SFTPD: variants seen among roughly 807,000 people sequenced by gnomAD.
The protein encoded by SFTPD is surfactant protein D, also known as pulmonary surfactant-associated protein D.
Under a neutral mutation model 34.6 loss-of-function variants are expected in SFTPD, and 18 were observed. The ratio of observed to expected loss-of-function variants is 0.52; its 90% CI spans 0.36 to 0.77. The LOEUF is 0.77. Among genes scored for constraint, SFTPD ranks in the 30% least tolerant of loss-of-function variants. The probability of loss-of-function intolerance (pLI) is 0.00; values close to 1 mark genes in which losing one functional copy is unlikely to be tolerated. For missense variants in SFTPD, 433 were observed against 468.9 expected (o/e 0.92, Z 0.71); for synonymous variants, 155 against 180.9 (o/e 0.86, Z 1.15).
chr10:79,937,816 C>T lies in SFTPD; in HGVS notation c.*36G>A. ...CTAAGCCTTGACTTCTGGCCAAACT[C>T]CTGGGCCAAGCACTGCCCCACCCAC... On this transcript the variant is annotated 3_prime_UTR_variant, in exon 8 of 8. Coordinates refer to ENST00000372292, the MANE Select transcript of SFTPD (RefSeq NM_003019.5). 1 of 1,512,402 alleles carries T rather than the reference C, an allele frequency of 6.6e-7. No homozygotes were observed. Among genetic ancestry groups the T allele is most frequent in the South Asian group, 1.3e-5 (1 of 75,202 alleles). The allele number at this position is 1,512,402 out of a possible 1,614,324, so 93.7% of individuals were successfully genotyped here. A position where few individuals can be genotyped will look rare whatever the true frequency, so the allele number is the denominator to read the frequency against.
At chr10:79,959,989 A>G (rs904987095) in intron 1 of SFTPD, among the ~76,000 whole-genome samples, 1 of 152,148 alleles carries the variant, frequency 6.6e-6, no homozygotes, top group Non-Finnish European at 1.5e-5. Context: ...GGCTGGTTCA[A>G]CATACACAAA....
intron 2 of SFTPD, among the ~76,000 whole-genome samples, chr10:79,943,770 A>G (rs1004624855): frequency 6.6e-6 from 1 of 152,200 alleles, no homozygotes; most frequent in African/African-American, 2.4e-5. Context: ...AGTCCTTATT[A>G]GGGATGAAAT....
rs754224078 is a variant in SFTPD at position 79,946,481 on chromosome 10, CG to C, written c.178del (p.Arg60GlyfsTer70). On this transcript the variant is annotated frameshift_variant, in exon 2 of 8. Transcript: ENST00000372292. LOFTEE classifies it high-confidence loss of function. The stretch of plus-strand genomic sequence containing the variant: ...CCTACCTGGGTCCCCCTTCTCGCCC[CG>C]AGGGCCCTCTCTCCCATCCCGTCCA... ...RDGRDGREGP[R>X]GEKGDPGLPG... The C allele has an allele frequency of 6.2e-7, 1 of 1,613,988 alleles. No individual in the cohort carries two copies. Among genetic ancestry groups the C allele is most frequent in the South Asian group, 1.1e-5 (1 of 91,086 alleles).
intron 1 of SFTPD, among the ~76,000 whole-genome samples, chr10:79,954,898 G>C (rs1240985436): frequency 3.3e-5 from 5 of 152,124 alleles, no homozygotes; most frequent in African/African-American, 1.2e-4. Flanking sequence ...CTGGCTCCTT[G>C]CTTCTAGCAC....
intron 5 of SFTPD, 102 bp from the exon 6 acceptor site, chr10:79,941,616 A>G: frequency 1.2e-6 from 1 of 852,638 alleles, no homozygotes; most frequent in Non-Finnish European, 1.8e-6. Context: ...CTTATTGCCC[A>G]GAAATAGACA....
intron 1 of SFTPD, among the ~76,000 whole-genome samples, chr10:79,958,172 A>G (rs1309541057): frequency 6.6e-6 from 1 of 152,226 alleles, no homozygotes; most frequent in Non-Finnish European, 1.5e-5. Context: ...GAAAGGAACA[A>G]CTGGTACCAG....
At chr10:79,970,452 A>AT (rs1842829136) in intron 1 of SFTPD, 1 of 152,096 alleles carries the variant, frequency 6.6e-6, no homozygotes, top group South Asian at 2.1e-4. Flanking sequence ...TCTGTAGATC[A>AT]TTTTTGGTAG....
chr10:79,964,096 C>T (rs1842790015), intron 1 of SFTPD, among the ~76,000 whole-genome samples: 2 of 152,130 alleles, frequency 1.3e-5, no homozygotes, highest in Non-Finnish European at 2.9e-5. Context: ...CTGCCCCCCT[C>T]CACTACCTCT....
chr10:79,977,827 C>CTCTT (rs5786433), intron 1 of SFTPD, among the ~76,000 whole-genome samples: 1 of 151,694 alleles, frequency 6.6e-6, no homozygotes, highest in African/African-American at 2.4e-5. Context: ...CTTTCTTCCT[C>CTCTT]TCTTTCTTTC....
At chr10:79,940,587 C>T (rs1378838576) in intron 7 of SFTPD, 118 bp downstream of exon 7, 4 of 668,666 alleles carry the variant, frequency 6.0e-6, no homozygotes, top group East Asian at 2.5e-5. Flanking sequence ...AGACCCAGGG[C>T]AGGCTCTGCC....
intron 1 of SFTPD, among the ~76,000 whole-genome samples, chr10:79,966,440 T>C (rs1001926255): frequency 1.1e-5 from 1 of 91,116 alleles, no homozygotes; most frequent in Non-Finnish European, 2.0e-5. Context: ...GTTTGTTTTT[T>C]TCTTGTAAAT....
chr10:79,956,725 C>A (rs1842741982), intron 1 of SFTPD, among the ~76,000 whole-genome samples: 2 of 152,148 alleles, frequency 1.3e-5, no homozygotes, highest in Non-Finnish European at 2.9e-5. Context: ...CCTCTGGGGG[C>A]AGGGCACAGA....
rs141915042 is a variant in SFTPD, at chr10:79,981,305, A to G, written c.36+1270T>C. Among the ~76,000 whole-genome samples the G allele has an allele frequency of 7.8e-3, 1,184 of 152,302 alleles. 5 individuals are homozygous for G. Among genetic ancestry groups the G allele is most frequent in the Non-Finnish European group, 0.012 (818 of 68,028 alleles). ...GGGGAGTCAAAAGAAAAAAGAAAAT[A>G]ATGAAATTTATAAAATAGCTTCAAA... On this transcript the variant is annotated intron_variant, in intron 1 of 5. Transcript: ENST00000444384.
At chr10:79,980,142 G>C (rs1364189752) in intron 1 of SFTPD, among the ~76,000 whole-genome samples, 1 of 152,186 alleles carries the variant, frequency 6.6e-6, no homozygotes, top group Non-Finnish European at 1.5e-5. Flanking sequence ...AAGTACCATG[G>C]ATTTTGGATG....
chr10:79,976,498 G>A (rs1842864959), intron 1 of SFTPD, among the ~76,000 whole-genome samples: 1 of 152,176 alleles, frequency 6.6e-6, no homozygotes, highest in Admixed American at 6.5e-5. Flanking sequence ...AGGAAGTCTG[G>A]TGCCAGAAGA....
chr10:79,947,937 A>G (rs930264694), intron 1 of SFTPD, among the ~76,000 whole-genome samples: 2 of 152,248 alleles, frequency 1.3e-5, no homozygotes, highest in Non-Finnish European at 2.9e-5. Flanking sequence ...CGCAGAGGCT[A>G]GGAACAAAGC....
chr10:79,944,432 G>A (rs900832864), intron 2 of SFTPD, among the ~76,000 whole-genome samples: 3 of 152,142 alleles, frequency 2.0e-5, no homozygotes, highest in East Asian at 3.9e-4. Flanking sequence ...AAGGTGATCC[G>A]GGAGTAAAGT....
chr10:79,942,228 A>C lies in SFTPD; in HGVS notation c.434-158T>G, dbSNP rs543536703. ...GGGCTCCTCTGTGGAGGGTGAGAGGAAAATATTGCAGTTGTGGGGATTGGG... is the reference window on the plus strand; with the variant it reads ...GGGCTCCTCTGTGGAGGGTGAGAGGCAAATATTGCAGTTGTGGGGATTGGG... On this transcript the variant is annotated intron_variant, in intron 4 of 7. Coordinates refer to ENST00000372292, the MANE Select transcript of SFTPD (RefSeq NM_003019.5). Among the ~76,000 whole-genome samples the C allele has an allele frequency of 4.9e-4, 75 of 152,246 alleles. 1 individual carries two copies. The highest frequency in any genetic ancestry group is 1.7e-3 in the African/African-American group (72 of 41,542).
At chr10:79,944,876 T>G (rs1842650357) in intron 2 of SFTPD, among the ~76,000 whole-genome samples, 1 of 152,004 alleles carries the variant, frequency 6.6e-6, no homozygotes, top group Non-Finnish European at 1.5e-5. Flanking sequence ...CCAATTTTCC[T>G]CGTAGCAGAT....
Sources: gnomAD v4.1 joint callset for allele counts (sites outside exome capture counted in the v4.1 genomes callset) on GRCh38, gnomAD v4.1.1 for gene constraint, MANE v1.5 for transcripts, NCBI Gene and HGNC (gene_info 2026-07-23, HGNC 2026-07-21) for gene names.